The following ETFB variants were observed in gnomAD, a reference collection of about 807,000 sequenced individuals.
ETFB encodes the protein electron transfer flavoprotein subunit beta, also known as beta-ETF.
Under a neutral mutation model 25.6 loss-of-function variants are expected in ETFB, and 20 were observed. The ratio of observed to expected loss-of-function variants is 0.78; its 90% confidence interval spans 0.55 to 1.14. The LOEUF is 1.14. Among genes scored for constraint, ETFB ranks in the 50% most tolerant of loss-of-function variants. ETFB has a pLI of 0.00. For missense variants in ETFB, 286 were observed against 342.6 expected (o/e 0.83, Z 1.30); for synonymous variants, 142 against 146.7 (o/e 0.97, Z 0.23).
Position 51,353,121 on chromosome 19 carries a change from A to C in ETFB, c.375+11T>G. 1 of 1,613,838 alleles carries C rather than the reference A, an allele frequency of 6.2e-7. No homozygotes were observed. Among genetic ancestry groups the C allele is most frequent in the South Asian group, 1.1e-5 (1 of 91,090 alleles). ...GAGCAAGGGGGCACAGGGAGGGCTG[A>C]CCACAGCTACCTGTTTGCCCAGCAG... is the stretch of plus-strand genomic sequence containing the variant. On this transcript the variant is annotated intron_variant, in intron 3 of 5. Coordinates refer to ENST00000309244, the MANE Select transcript of ETFB (RefSeq NM_001985.3).
chr19:51,349,072 C>T (rs923370034), intron 4 of ETFB, among the ~76,000 whole-genome samples: 3 of 152,122 alleles, frequency 2.0e-5, no homozygotes, highest in African/African-American at 4.8e-5. Context: ...AGTTCCAGTA[C>T]AGTATTTGAT....
intron 1 of ETFB, among the ~76,000 whole-genome samples, chr19:51,362,816 T>C (rs1474739794): frequency 5.3e-5 from 8 of 152,266 alleles, no homozygotes; most frequent in African/African-American, 1.9e-4. Context: ...CAGGAAGCAG[T>C]GACCACATCA....
chr19:51,362,530 A>G (rs34873661), intron 1 of ETFB, among the ~76,000 whole-genome samples: 45,840 of 152,138 alleles, frequency 0.3, 7,241 homozygotes, highest in South Asian at 0.46. Context: ...AGCTGAGATC[A>G]TGCCACTGCA....
intron 1 of ETFB, among the ~76,000 whole-genome samples, chr19:51,358,483 A>T (rs1326290227): frequency 2.0e-5 from 3 of 152,012 alleles, no homozygotes; most frequent in Non-Finnish European, 4.4e-5. Flanking sequence ...CCTGGGCAAC[A>T]GGTTCTACAA....
intron 3 of ETFB, among the ~76,000 whole-genome samples, chr19:51,351,765 C>G (rs1281281890): frequency 6.6e-6 from 1 of 152,150 alleles, no homozygotes; most frequent in Non-Finnish European, 1.5e-5. Context: ...ACCCAGTGAC[C>G]TACCTGGACC....
rs1305052851 is a variant in ETFB, at chr19:51,366,261, C to T, written c.57+9G>A. On this transcript the variant is annotated intron_variant, in intron 1 of 5. Transcript: ENST00000309244. ...GACTCAGGGATGTGGGAGAGGGGGG[C>T]CCGATCACCTTCACGGCGTAGTCGA... 1.5e-5 allele frequency: 25 copies of T among 1,613,646 alleles called. No individual in the cohort carries two copies. Among genetic ancestry groups the T allele is most frequent in the East Asian group, 2.2e-5 (1 of 44,886 alleles).
chr19:51,355,415 C>G (rs538215178), intron 1 of ETFB: 3 of 152,094 alleles, frequency 2.0e-5, no homozygotes, highest in Non-Finnish European at 4.4e-5. Flanking sequence ...CCAGTTAGAA[C>G]GGCGATCATT....
intron 1 of ETFB, among the ~76,000 whole-genome samples, chr19:51,364,375 C>A (rs74786194): frequency 0.03 from 4,536 of 152,200 alleles, 229 homozygotes; most frequent in African/African-American, 0.1. Context: ...TGGGGCACTG[C>A]GGGAGGGGAA....
chr19:51,363,739 G>T (rs887052653), intron 1 of ETFB, among the ~76,000 whole-genome samples: 1 of 152,136 alleles, frequency 6.6e-6, no homozygotes, highest in African/African-American at 2.4e-5. Context: ...GTGAGCCACC[G>T]CGCCTGGCCG....
At chr19:51,361,058 T>G (rs1434242026) in intron 1 of ETFB, among the ~76,000 whole-genome samples, 1 of 152,088 alleles carries the variant, frequency 6.6e-6, no homozygotes, top group African/African-American at 2.4e-5. Flanking sequence ...GTGCTGAGAT[T>G]ACACGTGTGG....
intron 1 of ETFB, among the ~76,000 whole-genome samples, chr19:51,361,390 C>G (rs1986221514): frequency 6.6e-6 from 1 of 152,148 alleles, no homozygotes; most frequent in East Asian, 1.9e-4. Context: ...CAGGGAGCCA[C>G]CCCAGTGACA....
chr19:51,356,354 T>A (rs1365148806), intron 1 of ETFB: 2 of 152,130 alleles, frequency 1.3e-5, no homozygotes, highest in East Asian at 3.9e-4. Flanking sequence ...TAAGGGTCAG[T>A]GACCAATACT....
Position 51,345,539 on chromosome 19 carries a change from C to T in ETFB, c.598-158G>A. On this transcript the variant is annotated intron_variant, in intron 5 of 5. Coordinates refer to ENST00000309244, the MANE Select transcript of ETFB (RefSeq NM_001985.3). ...ACACGCGAAACTTCTCACAGGGCCA[C>T]ACCTGGTGTGGACAACTCCTGCTGG... The T allele has an allele frequency of 4.2e-6, 3 of 721,160 alleles. No homozygotes were observed. The South Asian group carries it at 4.8e-5, about 11-fold the overall frequency. 44.7% of individuals were successfully genotyped at this position (721,160 alleles called of 1,614,324 possible). A position where few individuals can be genotyped will look rare whatever the true frequency, so the allele number is the denominator to read the frequency against.
chr19:51,350,504 A>G lies in ETFB; in HGVS notation c.376-113T>C, dbSNP rs1458244892. Reference sequence around the variant, plus strand: ...TTTTTCTTTCTTTTTTTTCTTTTTGAGACGGAGTCTTGCTCTGTCACCCAG... The same window carrying G: ...TTTTTCTTTCTTTTTTTTCTTTTTGGGACGGAGTCTTGCTCTGTCACCCAG... On this transcript the variant is annotated intron_variant, in intron 3 of 5. Transcript: ENST00000309244. 29 of 672,226 alleles carry G rather than the reference A, an allele frequency of 4.3e-5. No homozygotes were observed. In the East Asian group the frequency reaches 8.3e-4, roughly 19 times the overall value. The allele number at this position is 672,226 out of a possible 1,614,324, so 41.6% of individuals were successfully genotyped here. A position where few individuals can be genotyped will look rare whatever the true frequency, so the allele number is the denominator to read the frequency against.
intron 1 of ETFB, chr19:51,365,166 C>G (rs1287271881): frequency 1.3e-5 from 2 of 152,064 alleles, no homozygotes; most frequent in African/African-American, 4.8e-5. Context: ...TGCACTCCAG[C>G]CTGGGCAAAA....
chr19:51,354,291 G>A lies in ETFB; in HGVS notation c.75C>T (p.Asp25=), dbSNP rs1005896775. 6.2e-7 allele frequency: 1 copy of A among 1,614,176 alleles called. No homozygotes were observed. The highest frequency in any genetic ancestry group is 1.3e-5 in the African/African-American group (1 of 75,044). Residue 25 remains aspartate, a synonymous_variant, in exon 2 of 6, where the codon GAC becomes GAT. Coordinates refer to ENST00000309244, the MANE Select transcript of ETFB (RefSeq NM_001985.3). ...DYAVKIRVKP[D]RTGVVTDGVK... is the part of the protein sequence containing the mutation. ...CACCATCCGTGACCACACCGGTCCTGTCAGGCTTCACTCGGATCTGCCCAG... is the reference window on the plus strand; with the variant it reads ...CACCATCCGTGACCACACCGGTCCTATCAGGCTTCACTCGGATCTGCCCAG...
intron 3 of ETFB, among the ~76,000 whole-genome samples, chr19:51,350,739 G>A (rs1255519165): frequency 3.3e-5 from 5 of 152,004 alleles, no homozygotes; most frequent in African/African-American, 1.2e-4. Flanking sequence ...CCAAAGCTCT[G>A]GGATTACAGG....
intron 1 of ETFB, among the ~76,000 whole-genome samples, chr19:51,358,040 C>T (rs1044030070): frequency 3.9e-5 from 6 of 152,176 alleles, no homozygotes; most frequent in Non-Finnish European, 5.9e-5. Flanking sequence ...GCCGGGAAGA[C>T]GGCGAGTTTG....
intron 1 of ETFB, chr19:51,354,799 T>A: frequency 1.3e-6 from 1 of 758,042 alleles, no homozygotes; most frequent in Non-Finnish European, 2.1e-6. Context: ...TAGAGCAGCC[T>A]GGGGAAAACT....
Sources: allele counts gnomAD v4.1 joint callset (sites outside exome capture counted in the v4.1 genomes callset), GRCh38; gene constraint gnomAD v4.1.1; transcripts MANE v1.5; gene names NCBI Gene and HGNC (gene_info 2026-07-23, HGNC 2026-07-21).